The following DENND5A variants were observed in gnomAD, a reference collection of about 807,000 sequenced individuals.
The protein encoded by DENND5A is DENN domain containing 5A.
DENND5A carries 64 observed loss-of-function variants against 140.3 expected under a neutral mutation model. The ratio of observed to expected loss-of-function variants is 0.46; its 90% confidence interval spans 0.37 to 0.56. DENND5A has a LOEUF of 0.56. Ranked by LOEUF, DENND5A falls within the 20% of genes least tolerant of loss-of-function variation. The pLI is 0.00. For missense variants in DENND5A, 1,292 were observed against 1,593.8 expected, an observed-to-expected ratio of 0.81 and a Z score of 3.22; for synonymous variants, 605 against 607.7, an observed-to-expected ratio of 1.00 and a Z score of 0.07.
chr11:9,170,002 AATGTCAACTAACAGG>A, intron 9 of DENND5A, 53 bp from the exon 10 acceptor site: 1 of 1,264,908 alleles, frequency 7.9e-7, no homozygotes. Flanking sequence ...CTTAAAAAGC[AATGTCAACTAACAGG>A]AGAAAACATG....
intron 1 of DENND5A, among the ~76,000 whole-genome samples, chr11:9,220,206 T>C (rs1850253569): frequency 6.6e-6 from 1 of 152,218 alleles, no homozygotes; most frequent in Non-Finnish European, 1.5e-5. Context: ...GGCATAACTT[T>C]CTTATAAATT....
chr11:9,158,114 T>C (rs1209313181), intron 12 of DENND5A, among the ~76,000 whole-genome samples: 1 of 152,260 alleles, frequency 6.6e-6, no homozygotes, highest in Non-Finnish European at 1.5e-5. Flanking sequence ...GGCACATCTA[T>C]ACAACAGATG....
intron 4 of DENND5A, among the ~76,000 whole-genome samples, chr11:9,194,643 T>C (rs1449220005): frequency 1.3e-5 from 2 of 151,966 alleles, no homozygotes; most frequent in Non-Finnish European, 2.9e-5. Context: ...ACTCTTGTTA[T>C]AGGTCAGAGA....
At chr11:9,189,118 C>A (rs570917567) in intron 5 of DENND5A, among the ~76,000 whole-genome samples, 4 of 152,320 alleles carry the variant, frequency 2.6e-5, no homozygotes, top group African/African-American at 7.2e-5. Flanking sequence ...ATCCCAGCTG[C>A]TCCAGCTGTG....
chr11:9,154,470 C>A (rs1332793225), intron 12 of DENND5A, among the ~76,000 whole-genome samples: 1 of 152,008 alleles, frequency 6.6e-6, no homozygotes, highest in Non-Finnish European at 1.5e-5. Flanking sequence ...TTAAGATATA[C>A]CCCATGAGAA....
intron 13 of DENND5A, among the ~76,000 whole-genome samples, chr11:9,151,464 G>A (rs1401577688): frequency 6.6e-6 from 1 of 152,094 alleles, no homozygotes; most frequent in African/African-American, 2.4e-5. Context: ...AAGCCTACCT[G>A]GAGAACTCTT....
At chr11:9,250,201 T>C (rs4910036) in intron 1 of DENND5A, among the ~76,000 whole-genome samples, 8,890 of 151,818 alleles carry the variant, frequency 0.059, 361 homozygotes, top group South Asian at 0.1. Context: ...GGTTAGCAGA[T>C]GCAAATCTTT....
At position 9,165,836 on chromosome 11, in the gene DENND5A, C is replaced by T. The variant is rs1202827179; in HGVS notation, c.2283G>A (p.Lys761=). Residue 761 remains lysine, a splice_region_variant and synonymous_variant, in exon 11 of 23, where the codon AAG becomes AAA. Transcript: ENST00000328194. The part of the protein sequence containing the change: ...VEGLLKECRN[K]TKRMLVEKMG... Reference sequence around the variant, plus strand: ...ACATACAGAGATGTCCACAGCTTACCTTATTGCGGCATTCCTTCAGCAGGC... The same window carrying T: ...ACATACAGAGATGTCCACAGCTTACTTTATTGCGGCATTCCTTCAGCAGGC... 1 of 1,613,836 alleles carries T rather than the reference C, an allele frequency of 6.2e-7. No homozygotes were observed. Among genetic ancestry groups the T allele is most frequent in the African/African-American group, 1.3e-5 (1 of 74,918 alleles).
intron 1 of DENND5A, among the ~76,000 whole-genome samples, chr11:9,215,347 A>G (rs897403722): frequency 5.9e-5 from 9 of 152,188 alleles, no homozygotes; most frequent in African/African-American, 1.9e-4. Context: ...CTATCCAGTC[A>G]GGACTGTTCC....
chr11:9,258,502 A>G (rs934130460), intron 1 of DENND5A, among the ~76,000 whole-genome samples: 2 of 152,086 alleles, frequency 1.3e-5, no homozygotes, highest in African/African-American at 4.8e-5. Flanking sequence ...TGTATGTGCC[A>G]TCTTCTTTAT....
intron 1 of DENND5A, among the ~76,000 whole-genome samples, chr11:9,254,046 C>T (rs1389871239): frequency 1.3e-5 from 2 of 151,588 alleles, no homozygotes; most frequent in African/African-American, 4.9e-5. Context: ...ATCCCAGCTA[C>T]TCAGGAGGCC....
At chr11:9,248,840 T>C (rs1851591066) in intron 1 of DENND5A, among the ~76,000 whole-genome samples, 1 of 152,132 alleles carries the variant, frequency 6.6e-6, no homozygotes, top group Admixed American at 6.6e-5. Flanking sequence ...CCAAAATTAG[T>C]AGCTATCTTC....
intron 22 of DENND5A, 57 bp from the exon 23 acceptor site, chr11:9,139,911 A>T (rs1410051846): frequency 1.3e-6 from 2 of 1,550,282 alleles, no homozygotes; most frequent in African/African-American, 2.7e-5. Flanking sequence ...AGGAAGAGAG[A>T]GCGTTAGTGC....
At chr11:9,221,922 TA>T (rs1449249262) in intron 1 of DENND5A, among the ~76,000 whole-genome samples, 1 of 151,958 alleles carries the variant, frequency 6.6e-6, no homozygotes, top group East Asian at 1.9e-4. Context: ...CACGCCCGGC[TA>T]ATTTTTTATA....
chr11:9,159,321 CTTT>C (rs59379591), intron 12 of DENND5A, among the ~76,000 whole-genome samples: 12 of 136,806 alleles, frequency 8.8e-5, no homozygotes, highest in Non-Finnish European at 1.1e-4. Flanking sequence ...ACTTTTTTTT[CTTT>C]TTTTTTTTTT....
chr11:9,198,081 T>C (rs1849393242), intron 4 of DENND5A, among the ~76,000 whole-genome samples: 1 of 152,136 alleles, frequency 6.6e-6, no homozygotes, highest in Non-Finnish European at 1.5e-5. Context: ...AACCAAATAT[T>C]GTGTAAATAA....
At chr11:9,204,412 C>T (rs1590272683) in intron 3 of DENND5A, 95 bp from the exon 4 acceptor site, 1 of 1,212,364 alleles carries the variant, frequency 8.2e-7, no homozygotes, top group Non-Finnish European at 1.1e-6. Context: ...AGAGCACCTA[C>T]TAAGCTGAGC....
chr11:9,240,353 C>G (rs921449801), intron 1 of DENND5A, among the ~76,000 whole-genome samples: 10 of 152,104 alleles, frequency 6.6e-5, no homozygotes, highest in African/African-American at 2.4e-4. Context: ...CAAGGTTGCA[C>G]CATTGCACTC....
At chr11:9,170,831 C>T in intron 8 of DENND5A, 54 bp from the exon 9 acceptor site, 1 of 1,589,720 alleles carries the variant, frequency 6.3e-7, no homozygotes, top group African/African-American at 1.3e-5. Flanking sequence ...AATACACACA[C>T]AAATAAATCA....
Sources: gnomAD v4.1 joint callset for allele counts (sites outside exome capture counted in the v4.1 genomes callset) on GRCh38, gnomAD v4.1.1 for gene constraint, MANE v1.5 for transcripts, NCBI Gene and HGNC (gene_info 2026-07-23, HGNC 2026-07-21) for gene names.